TTLL11: variants seen among roughly 807,000 people sequenced by gnomAD.
The protein encoded by TTLL11 is tubulin polyglutamylase TTLL11.
TTLL11 carries 42 observed loss-of-function variants against 51.7 expected under a neutral mutation model. That is an observed-to-expected ratio of 0.81 (90% confidence interval 0.64 to 1.05). TTLL11 has a LOEUF of 1.05. Ranked by LOEUF, TTLL11 falls within the 50% of genes least tolerant of loss-of-function variation. The pLI, the probability that TTLL11 is intolerant of heterozygous loss-of-function variation, is 0.00. For synonymous variants in TTLL11, 381 were observed against 383.5 expected (o/e 0.99, Z 0.08); for missense variants, 799 against 940.4 (o/e 0.85, Z 1.97).
intron 1 of TTLL11, among the ~76,000 whole-genome samples, chr9:122,071,554 G>A (rs997118708): frequency 6.6e-6 from 1 of 152,120 alleles, no homozygotes; most frequent in African/African-American, 2.4e-5. Flanking sequence ...GGTCCCTAGA[G>A]AGGAGAGACA....
At position 122,093,125 on chromosome 9, in the gene TTLL11, G is replaced by T. The variant is rs903639273; in HGVS notation, c.24C>A (p.Ser8Arg). 16 of 1,490,602 alleles carry T rather than the reference G, an allele frequency of 1.1e-5. No individual in the cohort carries two copies. Among genetic ancestry groups the T allele is most frequent in the African/African-American group, 1.5e-5 (1 of 68,608 alleles). 92.3% of individuals were successfully genotyped at this position (1,490,602 alleles called of 1,614,324 possible). Residue 8 changes from serine (S) to arginine (R), a missense_variant, in exon 1 of 9, where the codon AGC (serine) becomes AGA (arginine). Physicochemically the swap from Ser to Arg is moderately radical, Grantham distance 110. Coordinates refer to ENST00000321582, the MANE Select transcript of TTLL11 (RefSeq NM_001139442.2). MRRGSSE[S>R]ELAARWEAEA... ...CCGCCTCCCACCGGGCCGCCAGCTC[G>T]CTCTCGGAGCTGCCCCGCCGCATGG... is the stretch of plus-strand genomic sequence containing the variant.
rs74852772 is a variant in TTLL11, at chr9:122,049,287, T to A, written c.463-9919A>T. Among the ~76,000 whole-genome samples, 63 of 152,326 alleles carry A rather than the reference T, an allele frequency of 4.1e-4. No homozygotes were observed. In the East Asian group the frequency reaches 0.011, roughly 27 times the overall value. On this transcript the variant is annotated intron_variant, in intron 1 of 8. Coordinates refer to ENST00000321582, the MANE Select transcript of TTLL11 (RefSeq NM_001139442.2). Reference sequence around the variant, plus strand: ...ATCCACAAACATGATAAAAGTGCTATTAACCCGATGATAAAGATTATGATA... The same window carrying A: ...ATCCACAAACATGATAAAAGTGCTAATAACCCGATGATAAAGATTATGATA...
intron 3 of TTLL11, among the ~76,000 whole-genome samples, chr9:121,992,023 A>G (rs1423448214): frequency 6.6e-6 from 1 of 152,170 alleles, no homozygotes; most frequent in Non-Finnish European, 1.5e-5. Flanking sequence ...TTACTGTAGG[A>G]AAGATCCTCC....
chr9:121,941,902 C>T (rs901667267), intron 6 of TTLL11, among the ~76,000 whole-genome samples: 1 of 152,240 alleles, frequency 6.6e-6, no homozygotes, highest in South Asian at 2.1e-4. Context: ...AATCCTGCCA[C>T]CCCTGCCTCC....
At chr9:121,943,242 G>C (rs757593449) in intron 6 of TTLL11, among the ~76,000 whole-genome samples, 1 of 152,174 alleles carries the variant, frequency 6.6e-6, no homozygotes, top group Non-Finnish European at 1.5e-5. Context: ...CATGAGCCTG[G>C]TGACAGTCAA....
intron 6 of TTLL11, among the ~76,000 whole-genome samples, chr9:121,874,759 T>TC (rs1301250201): frequency 2.0e-5 from 3 of 150,300 alleles, no homozygotes; most frequent in East Asian, 3.9e-4. Flanking sequence ...AGGCATAATT[T>TC]TTTTTTTTTT....
At chr9:122,084,989 G>A (rs1846089894) in intron 1 of TTLL11, among the ~76,000 whole-genome samples, 1 of 152,202 alleles carries the variant, frequency 6.6e-6, no homozygotes, top group South Asian at 2.1e-4. Context: ...GCCAGGCGCG[G>A]TGGCTCACAC....
At chr9:122,060,419 A>C (rs1009041427) in intron 1 of TTLL11, among the ~76,000 whole-genome samples, 1 of 152,226 alleles carries the variant, frequency 6.6e-6, no homozygotes, top group Non-Finnish European at 1.5e-5. Context: ...CAGAAGAGGA[A>C]TATAAGGGTT....
intron 1 of TTLL11, among the ~76,000 whole-genome samples, chr9:122,061,685 T>A (rs565296579): frequency 4.6e-5 from 7 of 152,318 alleles, no homozygotes; most frequent in African/African-American, 1.4e-4. Context: ...TCGCCCAGGC[T>A]GGAGTGCAGT....
At chr9:121,828,057 T>C (rs1418271692) in intron 8 of TTLL11, among the ~76,000 whole-genome samples, 1 of 152,212 alleles carries the variant, frequency 6.6e-6, no homozygotes, top group Non-Finnish European at 1.5e-5. Flanking sequence ...GAAAGTGCCA[T>C]AGAGCCCATG....
Position 122,093,176 on chromosome 9 carries a change from T to C in TTLL11, c.-28A>G. 1 of 1,492,412 alleles carries C rather than the reference T, an allele frequency of 6.7e-7. No individual in the cohort carries two copies. The allele number at this position is 1,492,412 out of a possible 1,614,324, so 92.4% of individuals were successfully genotyped here. On this transcript the variant is annotated 5_prime_UTR_variant, in exon 1 of 9. Transcript: ENST00000321582. ...TGCTCAGGGCCGGGGCCAGTGCCAG[T>C]GCCACCGCCGCCGCCGCCGCCGCTC...
chr9:121,938,864 C>A (rs1841338317), intron 6 of TTLL11, among the ~76,000 whole-genome samples: 1 of 152,186 alleles, frequency 6.6e-6, no homozygotes, highest in Non-Finnish European at 1.5e-5. Context: ...TAGGTTAGTA[C>A]AATCGCTCTG....
intron 6 of TTLL11, among the ~76,000 whole-genome samples, chr9:121,927,422 C>T (rs964377008): frequency 2.0e-5 from 3 of 152,188 alleles, no homozygotes; most frequent in Non-Finnish European, 4.4e-5. Flanking sequence ...AAATCAGCAC[C>T]ATGATCCTCT....
chr9:121,953,340 T>C (rs926864016), intron 6 of TTLL11, among the ~76,000 whole-genome samples: 6 of 151,926 alleles, frequency 3.9e-5, no homozygotes, highest in Non-Finnish European at 8.8e-5. Flanking sequence ...GAGTAGAAAA[T>C]TAACCAAAGC....
At chr9:122,013,850 T>C (rs1843887394) in intron 3 of TTLL11, among the ~76,000 whole-genome samples, 1 of 152,226 alleles carries the variant, frequency 6.6e-6, no homozygotes, top group African/African-American at 2.4e-5. Flanking sequence ...ACTGAAACCC[T>C]GGCAGCAGAA....
Position 121,995,484 on chromosome 9 carries a change from G to T in TTLL11, c.694-5714C>A, listed in dbSNP as rs1843225844. Among the ~76,000 whole-genome samples the T allele has an allele frequency of 6.6e-6, 1 of 152,122 alleles. No homozygotes were observed. Among genetic ancestry groups the T allele is most frequent in the South Asian group, 2.1e-4 (1 of 4,822 alleles). On this transcript the variant is annotated intron_variant, in intron 3 of 8. Transcript: ENST00000321582. This position sits in a 1 kb window ranked among gnomAD's most constrained non-coding sequence, Gnocchi z 4.4. ...GGTAGAATCAGGGCACCTGGTGACT[G>T]GACAGATGTGAAAGGCGAGAGAGGA...
At chr9:121,900,877 C>T (rs540185602) in intron 6 of TTLL11, among the ~76,000 whole-genome samples, 77 of 152,086 alleles carry the variant, frequency 5.1e-4, no homozygotes, top group African/African-American at 1.1e-3. Flanking sequence ...GGTACTATCA[C>T]GGCTCACTGC....
intron 1 of TTLL11, among the ~76,000 whole-genome samples, chr9:122,041,515 T>A (rs1217638364): frequency 6.6e-6 from 1 of 152,204 alleles, no homozygotes; most frequent in Non-Finnish European, 1.5e-5. Context: ...ATCCCATATG[T>A]AGAAAACTCT....
chr9:121,826,199 T>TAACCC (rs1564259933), intron 8 of TTLL11, among the ~76,000 whole-genome samples: 1 of 110,144 alleles, frequency 9.1e-6, no homozygotes, highest in African/African-American at 4.0e-5. Flanking sequence ...TATATATATA[T>TAACCC]ATATATATAT....
Sources: gnomAD v4.1 joint callset for allele counts (sites outside exome capture counted in the v4.1 genomes callset) on GRCh38, gnomAD v4.1.1 for gene constraint, Gnocchi (gnomAD v3.1) non-coding constraint, MANE v1.5 for transcripts, NCBI Gene and HGNC (gene_info 2026-07-23, HGNC 2026-07-21) for gene names.